Variants in ITGB3BP observed in about 807,000 individuals in gnomAD.
ITGB3BP encodes the protein centromere protein R.
Under a neutral mutation model 29.1 loss-of-function variants are expected in ITGB3BP, and 27 were observed. The ratio of observed to expected loss-of-function variants is 0.93; its 90% CI spans 0.68 to 1.28. The LOEUF is 1.28. Ranked by LOEUF, ITGB3BP falls within the 50% of genes most tolerant of loss-of-function variation. ITGB3BP has a pLI of 0.00. For missense variants in ITGB3BP, 192 were observed against 200.2 expected (o/e 0.96, Z 0.25); for synonymous variants, 61 against 61.4 (o/e 0.99, Z 0.03).
chr1:63,501,217 G>T (rs1233987857), intron 2 of ITGB3BP, among the ~76,000 whole-genome samples: 1 of 152,132 alleles, frequency 6.6e-6, no homozygotes, highest in Non-Finnish European at 1.5e-5. Context: ...CTAAATGAAA[G>T]AGTTAATACT....
At position 63,478,844 on chromosome 1, in the gene ITGB3BP, G is replaced by C. The variant is rs749608879; in HGVS notation, c.185-11C>G. The C allele has an allele frequency of 1.1e-5, 11 of 1,021,830 alleles. No individual in the cohort carries two copies. The East Asian group carries it at 1.7e-4, about 16-fold the overall frequency. The allele number at this position is 1,021,830 out of a possible 1,614,324, so 63.3% of individuals were successfully genotyped here. On this transcript the variant is annotated splice_polypyrimidine_tract_variant and intron_variant, in intron 3 of 8. Coordinates refer to ENST00000271002, the MANE Select transcript of ITGB3BP (RefSeq NM_014288.5). ...ATTTTTTTCTCTTTTCTATATATGT[G>C]TAATAAAGAAAAGGACATAAAGTTA...
At chr1:63,444,871 G>A (rs1438525011) in intron 8 of ITGB3BP, among the ~76,000 whole-genome samples, 5 of 152,014 alleles carry the variant, frequency 3.3e-5, no homozygotes, top group East Asian at 1.9e-4. Flanking sequence ...ACTTAACCTC[G>A]TTTGTGCCTC....
chr1:63,446,106 C>T (rs1283335540), intron 8 of ITGB3BP, among the ~76,000 whole-genome samples: 2 of 151,806 alleles, frequency 1.3e-5, no homozygotes, highest in African/African-American at 2.4e-5. Flanking sequence ...ACCATGTTGG[C>T]CAGGCTGGTC....
In ITGB3BP at chr1:63,488,734, G is replaced by T. The variant is rs190576574; in HGVS notation, c.184+1349C>A. ...ATATATTACAGCACATATGAAACATGTATGTGCAGTCTGATGAATAACTAG... is the reference window on the plus strand; with the variant it reads ...ATATATTACAGCACATATGAAACATTTATGTGCAGTCTGATGAATAACTAG... On this transcript the variant is annotated intron_variant, in intron 3 of 8. Transcript: ENST00000271002. Among the ~76,000 whole-genome samples the T allele has an allele frequency of 3.0e-3, 453 of 152,114 alleles. 2 individuals are homozygous for T. Among genetic ancestry groups the T allele is most frequent in the Admixed American group, 5.6e-3 (86 of 15,262 alleles).
intron 4 of ITGB3BP, among the ~76,000 whole-genome samples, chr1:63,464,997 A>G (rs938217014): frequency 2.0e-5 from 3 of 152,184 alleles, no homozygotes; most frequent in Admixed American, 1.3e-4. Flanking sequence ...TCCTGCATCA[A>G]GAGAAAAATT....
intron 4 of ITGB3BP, among the ~76,000 whole-genome samples, chr1:63,462,304 TTG>T (rs1288542010): frequency 6.6e-6 from 1 of 152,224 alleles, no homozygotes; most frequent in Non-Finnish European, 1.5e-5. Context: ...AAACTGATTT[TTG>T]TGTGTTGATC....
intron 2 of ITGB3BP, among the ~76,000 whole-genome samples, chr1:63,494,203 G>A (rs1386603829): frequency 6.6e-6 from 1 of 151,724 alleles, no homozygotes; most frequent in African/African-American, 2.4e-5. Context: ...GCAGTGGCAC[G>A]GTCTTGGCTC....
chr1:63,498,674 A>C (rs1645849195), intron 2 of ITGB3BP, among the ~76,000 whole-genome samples: 1 of 151,554 alleles, frequency 6.6e-6, no homozygotes, highest in African/African-American at 2.4e-5. Context: ...AACTAAACCC[A>C]AGGCAAGCAG....
chr1:63,497,423 C>T (rs1454145133), intron 2 of ITGB3BP, among the ~76,000 whole-genome samples: 1 of 152,134 alleles, frequency 6.6e-6, no homozygotes, highest in Non-Finnish European at 1.5e-5. Flanking sequence ...TGCATTGTTG[C>T]AGTAGTGATT....
upstream of ITGB3BP, chr1:63,525,589 GA>G (rs1646574322): frequency 1.9e-6 from 3 of 1,566,582 alleles, no homozygotes; most frequent in Non-Finnish European, 2.6e-6. Flanking sequence ...ATCAGTCCAC[GA>G]AGCGATGCAA....
At chr1:63,450,990 A>ACTAG (rs907558077) in intron 7 of ITGB3BP, among the ~76,000 whole-genome samples, 3 of 151,940 alleles carry the variant, frequency 2.0e-5, no homozygotes, top group Non-Finnish European at 2.9e-5. Flanking sequence ...TTTATTTAAA[A>ACTAG]CACTAGAGTG....
intron 4 of ITGB3BP, among the ~76,000 whole-genome samples, chr1:63,472,488 C>T (rs948007800): frequency 2.0e-4 from 29 of 147,140 alleles, no homozygotes; most frequent in Non-Finnish European, 2.6e-4. Flanking sequence ...CTCCTCTCCA[C>T]GGTCTCCTTC....
chr1:63,508,333 C>A, intron 2 of ITGB3BP, among the ~76,000 whole-genome samples, 195 bp downstream of exon 2: 1 of 151,830 alleles, frequency 6.6e-6, no homozygotes, highest in East Asian at 1.9e-4. Context: ...TCAAGCTGGC[C>A]AGGAACTTCC....
intron 4 of ITGB3BP, among the ~76,000 whole-genome samples, chr1:63,460,930 T>A (rs1418250210): frequency 1.3e-5 from 2 of 152,022 alleles, no homozygotes; most frequent in Admixed American, 6.6e-5. Flanking sequence ...GCAATTTATA[T>A]AAGTTCTTTC....
chr1:63,452,245 C>A (rs1644870003), intron 7 of ITGB3BP, among the ~76,000 whole-genome samples: 1 of 152,008 alleles, frequency 6.6e-6, no homozygotes, highest in Non-Finnish European at 1.5e-5. Flanking sequence ...CTTATTTATT[C>A]CAGAGTTTTC....
chr1:63,479,959 T>C (rs1393994936), intron 3 of ITGB3BP, among the ~76,000 whole-genome samples: 1 of 152,168 alleles, frequency 6.6e-6, no homozygotes. Context: ...GAATATATAC[T>C]CAGTAGTGGG....
chr1:63,516,000 A>G (rs1310589707), intron 1 of ITGB3BP, among the ~76,000 whole-genome samples: 2 of 146,800 alleles, frequency 1.4e-5, no homozygotes, highest in East Asian at 4.0e-4. Context: ...TCAATGGATG[A>G]CTGGATAAAG....
At chr1:63,475,153 A>T (rs988355154) in intron 4 of ITGB3BP, among the ~76,000 whole-genome samples, 1 of 152,048 alleles carries the variant, frequency 6.6e-6, no homozygotes, top group Non-Finnish European at 1.5e-5. Context: ...TTAAAAAAAA[A>T]TTTTGTAGAG....
intron 4 of ITGB3BP, among the ~76,000 whole-genome samples, chr1:63,467,957 A>G (rs956002872): frequency 6.6e-6 from 1 of 152,190 alleles, no homozygotes. Flanking sequence ...TTGGAGGGAT[A>G]CTAGAGTATC....
Sources: gnomAD v4.1 joint callset for allele counts (sites outside exome capture counted in the v4.1 genomes callset) on GRCh38, gnomAD v4.1.1 for gene constraint, MANE v1.5 for transcripts, NCBI Gene and HGNC (gene_info 2026-07-23, HGNC 2026-07-21) for gene names.